GAS2L3: variants seen among roughly 807,000 people sequenced by gnomAD.
GAS2L3 encodes growth arrest specific 2 like 3.
A neutral mutation model predicts 37.0 loss-of-function variants in GAS2L3; 28 were observed. The ratio of observed to expected loss-of-function variants is 0.76; its 90% CI spans 0.56 to 1.04. The LOEUF (loss-of-function observed/expected upper bound fraction) is 1.04, where lower values mean the gene tolerates loss of function less well. GAS2L3 is among the 50% of genes least tolerant of loss of function. The pLI, the probability that GAS2L3 is intolerant of heterozygous loss-of-function variation, is 0.00. For synonymous variants in GAS2L3, 290 were observed against 296.6 expected (o/e 0.98, Z 0.23); for missense variants, 793 against 817.6 (o/e 0.97, Z 0.37).
rs368050859 is a variant in GAS2L3 at position 100,575,630 on chromosome 12, G to A, written c.-152+1845G>A. Reference sequence around the variant, plus strand: ...CCGAGTAGTTGGACTCCAGGTGTGTGCCACTACGCCCAGCTGATTTTTGTA... The same window carrying A: ...CCGAGTAGTTGGACTCCAGGTGTGTACCACTACGCCCAGCTGATTTTTGTA... On this transcript the variant is annotated intron_variant, in intron 1 of 9. Coordinates refer to ENST00000547754, the MANE Select transcript of GAS2L3 (RefSeq NM_174942.3). 9.9e-5 allele frequency among the ~76,000 whole-genome samples: 15 copies of A among 151,914 alleles called. No homozygotes were observed. In the East Asian group the frequency reaches 1.6e-3, roughly 16 times the overall value.
rs1260198798 is a variant in GAS2L3, at chr12:100,600,451, G to T, written c.88G>T (p.Ala30Ser). The T allele has an allele frequency of 6.2e-7, 1 of 1,612,964 alleles. No homozygotes were observed. The highest frequency in any genetic ancestry group is 8.5e-7 in the Non-Finnish European group (1 of 1,179,238). Residue 30 changes from alanine to serine, a missense_variant, in exon 4 of 10, where the codon GCT (alanine) becomes TCT (serine). By Grantham distance (99) the Ala-to-Ser change is moderately conservative. Transcript: ENST00000547754. ...GACTCCCAGACACGGACCAGGATTG[G>T]CTAATGTTTGTCAGTACGATGAGTG... Reference protein sequence around the residue: ...PLTPRHGPGLANVCQYDEWIA... With the variant: ...PLTPRHGPGLSNVCQYDEWIA...
At chr12:100,580,476 G>T (rs1401586169) in intron 1 of GAS2L3, among the ~76,000 whole-genome samples, 1 of 152,178 alleles carries the variant, frequency 6.6e-6, no homozygotes, top group East Asian at 1.9e-4. Flanking sequence ...CCCTGTAGCA[G>T]AGATGTTTTA....
intron 5 of GAS2L3, among the ~76,000 whole-genome samples, chr12:100,608,994 C>A (rs977574044): frequency 2.6e-5 from 4 of 152,198 alleles, no homozygotes; most frequent in Admixed American, 1.3e-4. Context: ...GCTAACAGAA[C>A]CCAAGGGCTC....
chr12:100,574,410 G>C (rs190523727), intron 1 of GAS2L3, among the ~76,000 whole-genome samples: 2 of 152,290 alleles, frequency 1.3e-5, no homozygotes, highest in African/African-American at 4.8e-5. Flanking sequence ...GACCCTGCGC[G>C]ATGCCTTCCG....
At chr12:100,605,599 T>G (rs560735463) in intron 5 of GAS2L3, among the ~76,000 whole-genome samples, 100 of 151,962 alleles carry the variant, frequency 6.6e-4, no homozygotes, top group Non-Finnish European at 1.1e-3. Context: ...ATTTTATGTT[T>G]TTCTTCTTTT....
chr12:100,586,808 A>G (rs1423228792), intron 1 of GAS2L3, among the ~76,000 whole-genome samples: 1 of 152,208 alleles, frequency 6.6e-6, no homozygotes, highest in East Asian at 1.9e-4. Context: ...GAAAAGATAA[A>G]TAAAATTGAT....
chr12:100,578,038 T>C (rs1481442961), intron 1 of GAS2L3, among the ~76,000 whole-genome samples: 1 of 152,188 alleles, frequency 6.6e-6, no homozygotes, highest in Admixed American at 6.5e-5. Context: ...AGCAGGGCAG[T>C]AGTAAAATGT....
In GAS2L3 at chr12:100,624,079, C is replaced by T; in HGVS notation, c.1274C>T (p.Ala425Val). Residue 425 changes from alanine (A) to valine (V), a missense_variant, in exon 10 of 10, where the codon GCA becomes GTA. Coordinates refer to ENST00000547754, the MANE Select transcript of GAS2L3 (RefSeq NM_174942.3). The part of the protein sequence containing the change: ...NTSSPALPRT[A>V]PCISESPRKC... ...TCTTCACCAGCTTTACCAAGAACTG[C>T]ACCTTGTATATCTGAGTCACCGAGA... The T allele has an allele frequency of 6.2e-7, 1 of 1,614,008 alleles. No individual in the cohort carries two copies. Among genetic ancestry groups the T allele is most frequent in the Non-Finnish European group, 8.5e-7 (1 of 1,179,972 alleles).
chr12:100,575,476 A>ATTTTTTTTTT (rs58446699), intron 1 of GAS2L3, among the ~76,000 whole-genome samples: 9 of 88,786 alleles, frequency 1.0e-4, no homozygotes, highest in South Asian at 4.6e-4. Context: ...TGTTATCTCT[A>ATTTTTTTTTT]TTTTTTTTTT....
intron 5 of GAS2L3, among the ~76,000 whole-genome samples, chr12:100,607,455 G>A (rs1956071364): frequency 6.6e-6 from 1 of 151,806 alleles, no homozygotes; most frequent in South Asian, 2.1e-4. Context: ...TTGAATATTG[G>A]TATCTTTCTC....
At chr12:100,621,909 A>AGAGAGAGAGAGAGAGAG (rs1367595954) in intron 8 of GAS2L3, among the ~76,000 whole-genome samples, 1 of 111,766 alleles carries the variant, frequency 8.9e-6, no homozygotes, top group Admixed American at 8.5e-5. Flanking sequence ...GAGAGAGAGA[A>AGAGAGAGAGAGAGAGAG]AGAGAGAGAG....
At chr12:100,598,098 G>A (rs893114880) in intron 3 of GAS2L3, among the ~76,000 whole-genome samples, 1 of 152,094 alleles carries the variant, frequency 6.6e-6, no homozygotes, top group African/African-American at 2.4e-5. Context: ...ATTTTAGTGT[G>A]TATTTCTCAA....
intron 5 of GAS2L3, among the ~76,000 whole-genome samples, chr12:100,606,577 CCTGT>C (rs1956059794): frequency 6.6e-6 from 1 of 151,536 alleles, no homozygotes; most frequent in Admixed American, 6.6e-5. Flanking sequence ...TTCTTTCCTT[CCTGT>C]CTTTCTTTTA....
In GAS2L3 at chr12:100,626,527, T is replaced by G. The variant is rs1213067302; in HGVS notation, c.*1637T>G. On this transcript the variant is annotated 3_prime_UTR_variant, in exon 10 of 10. Transcript: ENST00000547754. ...CAATGTTCAAGAGGTGATAGAAGCTTTACTTTTTAGTGATCAGAAATATTT... is the reference window on the plus strand; with the variant it reads ...CAATGTTCAAGAGGTGATAGAAGCTGTACTTTTTAGTGATCAGAAATATTT... The G allele has an allele frequency of 6.6e-6, 1 of 152,190 alleles. No individual in the cohort carries two copies. Among genetic ancestry groups the G allele is most frequent in the Non-Finnish European group, 1.5e-5 (1 of 68,028 alleles). 9.4% of individuals were successfully genotyped at this position (152,190 alleles called of 1,614,324 possible).
At chr12:100,586,664 C>T (rs1384512648) in intron 1 of GAS2L3, among the ~76,000 whole-genome samples, 1 of 152,122 alleles carries the variant, frequency 6.6e-6, no homozygotes, top group African/African-American at 2.4e-5. Context: ...AAGGTCACAC[C>T]TCTAAGGAAA....
chr12:100,608,494 G>C (rs1367382736), intron 5 of GAS2L3, among the ~76,000 whole-genome samples: 1 of 152,144 alleles, frequency 6.6e-6, no homozygotes, highest in African/African-American at 2.4e-5. Flanking sequence ...GGCCCTGTTG[G>C]GTCCAGAGAT....
intron 1 of GAS2L3, among the ~76,000 whole-genome samples, chr12:100,586,869 C>T (rs1955788025): frequency 6.6e-6 from 1 of 152,002 alleles, no homozygotes; most frequent in African/African-American, 2.4e-5. Context: ...TCCAAATAAC[C>T]TCACTAAGAA....
At chr12:100,583,932 T>G (rs1371652512) in intron 1 of GAS2L3, among the ~76,000 whole-genome samples, 1 of 152,140 alleles carries the variant, frequency 6.6e-6, no homozygotes, top group Non-Finnish European at 1.5e-5. Context: ...AAATAATAAA[T>G]GATATCAAAA....
At chr12:100,613,796 A>G (rs1242464637) in intron 6 of GAS2L3, among the ~76,000 whole-genome samples, 1 of 151,792 alleles carries the variant, frequency 6.6e-6, no homozygotes, top group Non-Finnish European at 1.5e-5. Context: ...GGGTTACACC[A>G]TGTTAGCCAG....
Sources: allele counts gnomAD v4.1 joint callset (sites outside exome capture counted in the v4.1 genomes callset), GRCh38; gene constraint gnomAD v4.1.1; transcripts MANE v1.5; gene names NCBI Gene and HGNC (gene_info 2026-07-23, HGNC 2026-07-21).